Variants in ANKAR observed in about 807,000 individuals in gnomAD.
The protein encoded by ANKAR is ankyrin and armadillo repeat containing, also known as ankyrin and armadillo repeat-containing protein.
Under a neutral mutation model 146.2 loss-of-function variants are expected in ANKAR, and 136 were observed. That is an observed-to-expected ratio of 0.93 (90% CI 0.81 to 1.07). ANKAR has a LOEUF of 1.07. Among genes scored for constraint, ANKAR ranks in the 50% least tolerant of loss-of-function variants. The probability of loss-of-function intolerance (pLI) is 0.00; values close to 1 mark genes in which losing one functional copy is unlikely to be tolerated. For synonymous variants in ANKAR, 500 were observed against 575.8 expected, an observed-to-expected ratio of 0.87 and a Z score of 1.88; for missense variants, 1,567 against 1,679.9, an observed-to-expected ratio of 0.93 and a Z score of 1.18.
chr2:189,728,275 A>G lies in ANKAR; in HGVS notation c.2886A>G (p.Gln962=). 1 of 1,593,660 alleles carries G rather than the reference A, an allele frequency of 6.3e-7. No individual in the cohort carries two copies. Among genetic ancestry groups the G allele is most frequent in the Non-Finnish European group, 8.5e-7 (1 of 1,174,838 alleles). ...KYLLKLLKAF[Q]IDVKEQGAVA... The stretch of plus-strand genomic sequence containing the variant: ...AATATTTTTAAAAATAGGCATTTCA[A>G]ATAGATGTTAAGGAACAAGGAGCTG... Residue 962 remains glutamine (Q), a synonymous_variant, in exon 14 of 23, where the codon CAA becomes CAG. Coordinates refer to ENST00000684021, the MANE Select transcript of ANKAR (RefSeq NM_001378068.1).
intron 10 of ANKAR, among the ~76,000 whole-genome samples, chr2:189,715,911 A>G (rs1389542797): frequency 3.3e-5 from 5 of 152,226 alleles, no homozygotes; most frequent in Non-Finnish European, 7.3e-5. Flanking sequence ...AAAACTCTCA[A>G]TAAACTAGGT....
Position 189,720,731 on chromosome 2 carries a change from C to T in ANKAR, c.2579C>T (p.Ala860Val). Residue 860 changes from alanine to valine, a missense_variant, in exon 12 of 23, where the codon GCT becomes GTT. Transcript: ENST00000684021. ...ATAGGAAATGAAAACAATCAAAGAG[C>T]TGTGAGAGAACATAAAGGCCTCCCA... ...LCIGNENNQR[A>V]VREHKGLPYL... is the part of the protein sequence containing the mutation. 6.6e-7 allele frequency: 1 copy of T among 1,521,486 alleles called. No homozygotes were observed. Among genetic ancestry groups the T allele is most frequent in the Non-Finnish European group, 8.8e-7 (1 of 1,139,612 alleles). 94.2% of individuals were successfully genotyped at this position (1,521,486 alleles called of 1,614,324 possible). A position where few individuals can be genotyped will look rare whatever the true frequency, so the allele number is the denominator to read the frequency against.
intron 16 of ANKAR, among the ~76,000 whole-genome samples, chr2:189,731,597 C>T (rs2042402658): frequency 6.6e-6 from 1 of 151,976 alleles, no homozygotes; most frequent in African/African-American, 2.4e-5. Context: ...GTCTTGAATT[C>T]CTGACCTCAA....
chr2:189,678,755 G>A (rs547677527), intron 2 of ANKAR, among the ~76,000 whole-genome samples: 17 of 152,156 alleles, frequency 1.1e-4, no homozygotes, highest in South Asian at 6.2e-4. Flanking sequence ...TTTTATTTCC[G>A]CGTTCTCTAT....
At position 189,690,732 on chromosome 2, in the gene ANKAR, G is replaced by C. The variant is rs569314841; in HGVS notation, c.1039+768G>C. 2.6e-5 allele frequency among the ~76,000 whole-genome samples: 4 copies of C among 152,286 alleles called. No individual in the cohort carries two copies. The East Asian group carries it at 7.7e-4, about 29-fold the overall frequency. On this transcript the variant is annotated intron_variant, in intron 3 of 22. Coordinates refer to ENST00000684021, the MANE Select transcript of ANKAR (RefSeq NM_001378068.1). ...TGAAAGTTTGTATCATGAGAATTCA[G>C]TATCTGTGAACTATTAGAAATGGAA...
intron 12 of ANKAR, among the ~76,000 whole-genome samples, chr2:189,725,794 G>A (rs1375470225): frequency 6.6e-6 from 1 of 152,178 alleles, no homozygotes; most frequent in Non-Finnish European, 1.5e-5. Context: ...TGTATTCCCA[G>A]CTACTTGGGA....
intron 12 of ANKAR, among the ~76,000 whole-genome samples, chr2:189,725,307 CACACACACAT>C (rs1014039682): frequency 1.7e-4 from 25 of 150,890 alleles, no homozygotes; most frequent in African/African-American, 5.4e-4. Flanking sequence ...CACACACACA[CACACACACAT>C]ATATATGATC....
At chr2:189,682,855 ACT>A (rs2034948057) in intron 2 of ANKAR, among the ~76,000 whole-genome samples, 1 of 152,102 alleles carries the variant, frequency 6.6e-6, no homozygotes, top group Non-Finnish European at 1.5e-5. Context: ...TTGCTGGGAC[ACT>A]CTGAGGAGTC....
rs752563592 is a variant in ANKAR, at chr2:189,705,206, A to T, written c.1892A>T (p.Glu631Val). ...ALCRKDPSLLEAEATAENQCT... is the reference protein window; with the variant it reads ...ALCRKDPSLLVAEATAENQCT... ...TGTAGGAAGGATCCTAGTTTGCTAGAAGCTGAGGCAACAGCTGAGTAAGTC... is the reference window on the plus strand; with the variant it reads ...TGTAGGAAGGATCCTAGTTTGCTAGTAGCTGAGGCAACAGCTGAGTAAGTC... Residue 631 changes from glutamate to valine, a missense_variant, in exon 8 of 23, where the codon GAA becomes GTA. Physicochemically the swap from Glu to Val is moderately radical, Grantham distance 121. Transcript: ENST00000684021. 6.2e-7 allele frequency: 1 copy of T among 1,614,098 alleles called. No homozygotes were observed. Among genetic ancestry groups the T allele is most frequent in the Admixed American group, 1.7e-5 (1 of 60,006 alleles).
At chr2:189,723,915 C>T (rs951453855) in intron 12 of ANKAR, among the ~76,000 whole-genome samples, 2 of 152,168 alleles carry the variant, frequency 1.3e-5, no homozygotes, top group Non-Finnish European at 2.9e-5. Flanking sequence ...CACTTCCATT[C>T]CTTTCAGAAT....
At chr2:189,755,600 G>A in intron 18 of ANKAR, 2 of 1,560,414 alleles carry the variant, frequency 1.3e-6, no homozygotes, top group African/African-American at 1.4e-5. Context: ...TTTTAAGATT[G>A]TAAAAATGAA....
chr2:189,758,093 A>G (rs2046355854), intron 18 of ANKAR, among the ~76,000 whole-genome samples: 1 of 151,982 alleles, frequency 6.6e-6, no homozygotes, highest in African/African-American at 2.4e-5. Flanking sequence ...TTGTTGTTTA[A>G]AAGTGTGGGC....
At chr2:189,689,450 T>G in intron 2 of ANKAR, 77 bp from the exon 3 acceptor site, 1 of 1,177,958 alleles carries the variant, frequency 8.5e-7, no homozygotes. Flanking sequence ...TAAAATCCTG[T>G]GTTCAATCTT....
Position 189,707,758 on chromosome 2 carries a change from C to T in ANKAR, c.2119+612C>T, listed in dbSNP as rs79427319. Among the ~76,000 whole-genome samples, 984 of 151,810 alleles carry T rather than the reference C, an allele frequency of 6.5e-3. 10 individuals carry two copies. Among genetic ancestry groups the T allele is most frequent in the African/African-American group, 0.023 (937 of 41,382 alleles). ...CATGGAGATTAAACATTATTAATAC[C>T]ACCAGCAGAAGACAAGCATTCAAGG... On this transcript the variant is annotated intron_variant, in intron 9 of 22. Transcript: ENST00000684021.
rs377587865 is a variant in ANKAR, at chr2:189,728,424, A to G, written c.3031+4A>G. ...TCAGCTAAAATGCAGTATGTTGGTAAGTTATTTTCCTTATTTTATTTTTAT... is the reference window on the plus strand; with the variant it reads ...TCAGCTAAAATGCAGTATGTTGGTAGGTTATTTTCCTTATTTTATTTTTAT... On this transcript the variant is annotated splice_donor_region_variant and intron_variant, in intron 14 of 22. Transcript: ENST00000684021. 6.3e-7 allele frequency: 1 copy of G among 1,580,924 alleles called. No homozygotes were observed. Among genetic ancestry groups the G allele is most frequent in the African/African-American group, 1.5e-5 (1 of 67,958 alleles).
rs772259910 is a variant in ANKAR at position 189,705,078 on chromosome 2, T to G, written c.1764T>G (p.Cys588Trp). ...AQACSLETTV[C>W]LLCSKADYTL... ...CTTGCTCATTAGAAACAACAGTTTG[T>G]CTACTGTGTTCCAAAGCTGATTACA... Residue 588 changes from cysteine to tryptophan, a missense_variant, in exon 8 of 23, where the codon TGT becomes TGG. Transcript: ENST00000684021. 6.2e-7 allele frequency: 1 copy of G among 1,614,140 alleles called. No homozygotes were observed. Among genetic ancestry groups the G allele is most frequent in the South Asian group, 1.1e-5 (1 of 91,086 alleles).
At chr2:189,746,232 G>C (rs2044142874) in intron 22 of ANKAR, 148 bp from the exon 23 acceptor site, 1 of 873,948 alleles carries the variant, frequency 1.1e-6, no homozygotes, top group Admixed American at 2.9e-5. Flanking sequence ...CAAATTTTTG[G>C]CCCCTGACAT....
intron 7 of ANKAR, among the ~76,000 whole-genome samples, chr2:189,698,829 G>T (rs1413272199): frequency 6.6e-6 from 1 of 152,160 alleles, no homozygotes; most frequent in African/African-American, 2.4e-5. Flanking sequence ...TGCAGGTGCA[G>T]GAGAGCCAGG....
chr2:189,705,710 G>A (rs2038840509), intron 8 of ANKAR, among the ~76,000 whole-genome samples: 1 of 152,132 alleles, frequency 6.6e-6, no homozygotes. Context: ...GAAATATTTA[G>A]TGGTATCTGG....
Sources: allele counts gnomAD v4.1 joint callset (sites outside exome capture counted in the v4.1 genomes callset), GRCh38; gene constraint gnomAD v4.1.1; transcripts MANE v1.5; gene names NCBI Gene and HGNC (gene_info 2026-07-23, HGNC 2026-07-21).